KLF3: variants seen among roughly 807,000 people sequenced by gnomAD.
The protein encoded by KLF3 is KLF transcription factor 3, also known as Krueppel-like factor 3.
A neutral mutation model predicts 32.7 loss-of-function variants in KLF3; 6 were observed. That is an observed-to-expected ratio of 0.18 (90% CI 0.10 to 0.36). KLF3 has a LOEUF of 0.36. KLF3 is among the 10% of genes least tolerant of loss of function. KLF3 has a pLI of 1.00. For missense variants in KLF3, 338 were observed against 449.7 expected, an observed-to-expected ratio of 0.75 and a Z score of 2.25; for synonymous variants, 145 against 172.8, an observed-to-expected ratio of 0.84 and a Z score of 1.26.
intron 4 of KLF3, among the ~76,000 whole-genome samples, chr4:38,692,873 C>G (rs923889385): frequency 6.6e-6 from 1 of 151,930 alleles, no homozygotes; most frequent in African/African-American, 2.4e-5. Context: ...TACCCCAGCA[C>G]TTTATTTCCT....
At chr4:38,666,785 C>A (rs992358619) in intron 1 of KLF3, among the ~76,000 whole-genome samples, 2 of 152,224 alleles carry the variant, frequency 1.3e-5, no homozygotes, top group African/African-American at 4.8e-5. Context: ...GAATTTAGTT[C>A]TGTGACTAAA....
chr4:38,666,730 CAG>C (rs1054289851), intron 1 of KLF3, among the ~76,000 whole-genome samples: 3 of 152,190 alleles, frequency 2.0e-5, no homozygotes, highest in African/African-American at 7.2e-5. Flanking sequence ...TTGAAAAAGA[CAG>C]TGAAAATTTT....
rs1406034463 is a variant in KLF3, at chr4:38,698,582, T to C, written c.*1319T>C. ...GAAAACCACAGATCAGGGATTCATA[T>C]ATGTAGCTCAAAAATTCCCAAAAGT... is the stretch of plus-strand genomic sequence containing the variant. On this transcript the variant is annotated 3_prime_UTR_variant, in exon 6 of 6. Coordinates refer to ENST00000261438, the MANE Select transcript of KLF3 (RefSeq NM_016531.6). 2.0e-5 allele frequency: 3 copies of C among 152,604 alleles called. No individual in the cohort carries two copies. Among genetic ancestry groups the C allele is most frequent in the African/African-American group, 4.8e-5 (2 of 41,456 alleles). The allele number at this position is 152,604 out of a possible 1,614,324, so 9.5% of individuals were successfully genotyped here. A position where few individuals can be genotyped will look rare whatever the true frequency, so the allele number is the denominator to read the frequency against.
intron 4 of KLF3, among the ~76,000 whole-genome samples, chr4:38,693,088 A>G (rs1401197224): frequency 2.3e-5 from 3 of 130,188 alleles, no homozygotes; most frequent in East Asian, 4.3e-4. Context: ...ACATATATAT[A>G]CACGTATATA....
chr4:38,681,777 T>C (rs1010411196), intron 2 of KLF3, among the ~76,000 whole-genome samples: 1 of 152,200 alleles, frequency 6.6e-6, no homozygotes, highest in African/African-American at 2.4e-5. Flanking sequence ...GGTGTGTATC[T>C]GAAGGTTGGT....
intron 1 of KLF3, among the ~76,000 whole-genome samples, chr4:38,678,340 A>G (rs1722413127): frequency 6.6e-6 from 1 of 152,182 alleles, no homozygotes; most frequent in Non-Finnish European, 1.5e-5. Context: ...GGAACTGCTT[A>G]ATAATAGATC....
chr4:38,689,979 A>G, intron 4 of KLF3, 100 bp downstream of exon 4: 1 of 1,224,680 alleles, frequency 8.2e-7, no homozygotes, highest in Non-Finnish European at 1.1e-6. Context: ...GGTGTGGATG[A>G]CCAGGAACGG....
intron 3 of KLF3, 91 bp from the exon 4 acceptor site, chr4:38,689,638 C>T (rs774732614): frequency 1.1e-6 from 1 of 885,800 alleles, no homozygotes; most frequent in Non-Finnish European, 1.7e-6. Context: ...CCTGTCATAT[C>T]TGTGTTGTAG....
intron 2 of KLF3, among the ~76,000 whole-genome samples, chr4:38,682,206 ATG>A (rs1722547964): frequency 1.3e-5 from 2 of 152,224 alleles, no homozygotes; most frequent in East Asian, 1.9e-4. Flanking sequence ...TTACAGGCGC[ATG>A]CCACCACGCC....
rs1173855772 is a variant in KLF3, at chr4:38,699,018, T to G, written c.*1755T>G. 3 of 152,202 alleles carry G rather than the reference T, an allele frequency of 2.0e-5. No homozygotes were observed. The highest frequency in any genetic ancestry group is 7.2e-5 in the African/African-American group (3 of 41,456). The allele number at this position is 152,202 out of a possible 1,614,324, so 9.4% of individuals were successfully genotyped here. ...AGGCCTGTGAATTGTGTGGGGAGCTTGCTTTGATGGCACTGTGTTAATAAA... is the reference window on the plus strand; with the variant it reads ...AGGCCTGTGAATTGTGTGGGGAGCTGGCTTTGATGGCACTGTGTTAATAAA... On this transcript the variant is annotated 3_prime_UTR_variant, in exon 6 of 6. Transcript: ENST00000261438.
chr4:38,696,169 T>G, intron 5 of KLF3, among the ~76,000 whole-genome samples: 1 of 119,460 alleles, frequency 8.4e-6, no homozygotes, highest in African/African-American at 3.3e-5. Context: ...AATATTTGGG[T>G]GACAGTTTAG....
intron 1 of KLF3, among the ~76,000 whole-genome samples, chr4:38,675,870 C>A (rs1560414706): frequency 1.3e-5 from 2 of 152,216 alleles, no homozygotes; most frequent in Non-Finnish European, 2.9e-5. Flanking sequence ...GACCCTAATT[C>A]TTCCAGGGCT....
At chr4:38,691,326 G>GA (rs1722872193) in intron 4 of KLF3, among the ~76,000 whole-genome samples, 1 of 152,120 alleles carries the variant, frequency 6.6e-6, no homozygotes, top group African/African-American at 2.4e-5. Flanking sequence ...CAAGTGAAAG[G>GA]AAAAAATGAC....
chr4:38,687,503 G>A (rs1352468846), intron 2 of KLF3, among the ~76,000 whole-genome samples: 3 of 152,320 alleles, frequency 2.0e-5, no homozygotes, highest in African/African-American at 7.2e-5. Flanking sequence ...TATTTAAAGA[G>A]AGAAAGGTGT....
chr4:38,684,481 GA>G (rs1722629184), intron 2 of KLF3, among the ~76,000 whole-genome samples: 1 of 151,440 alleles, frequency 6.6e-6, no homozygotes, highest in Non-Finnish European at 1.5e-5. Flanking sequence ...GTTACAGACG[GA>G]AATAACTCTT....
At chr4:38,693,349 T>TA (rs1224914379) in intron 4 of KLF3, among the ~76,000 whole-genome samples, 404 of 146,404 alleles carry the variant, frequency 2.8e-3, no homozygotes, top group Non-Finnish European at 3.2e-3. Flanking sequence ...AATGTTTTTT[T>TA]TAAAAAAAAA....
intron 1 of KLF3, among the ~76,000 whole-genome samples, chr4:38,666,719 T>A (rs1249094513): frequency 6.6e-6 from 1 of 152,238 alleles, no homozygotes; most frequent in African/African-American, 2.4e-5. Flanking sequence ...TATAACTGCA[T>A]TTGAAAAAGA....
rs1254233477 is a variant in KLF3 at position 38,688,097 on chromosome 4, T to C, written c.58-488T>C. 3.3e-5 allele frequency among the ~76,000 whole-genome samples: 5 copies of C among 152,216 alleles called. No homozygotes were observed. The highest frequency in any genetic ancestry group is 7.3e-5 in the Non-Finnish European group (5 of 68,034). ...CTGCTGAAGTTGAAGACACTACTTA[T>C]CCTGAGAAAGAGCTGTCCTGCCGAA... On this transcript the variant is annotated intron_variant, in intron 2 of 5. Transcript: ENST00000261438. The surrounding 1 kb of genome is among the most constrained non-coding windows in gnomAD (Gnocchi z 4.9).
chr4:38,685,381 C>T (rs886984613), intron 2 of KLF3, among the ~76,000 whole-genome samples: 1 of 152,168 alleles, frequency 6.6e-6, no homozygotes, highest in African/African-American at 2.4e-5. Context: ...TTGTACCTTA[C>T]AATAATCGCA....
Sources: gnomAD v4.1 joint callset for allele counts (sites outside exome capture counted in the v4.1 genomes callset) on GRCh38, gnomAD v4.1.1 for gene constraint, Gnocchi (gnomAD v3.1) non-coding constraint, MANE v1.5 for transcripts, NCBI Gene and HGNC (gene_info 2026-07-23, HGNC 2026-07-21) for gene names.